DMD: variants seen among roughly 807,000 people sequenced by gnomAD.
DMD encodes the protein mutant dystrophin.
DMD carries 63 observed loss-of-function variants against 330.1 expected under a neutral mutation model. The ratio of observed to expected loss-of-function variants is 0.19; its 90% CI spans 0.16 to 0.24. The LOEUF is 0.24. Among genes scored for constraint, DMD ranks in the 10% least tolerant of loss-of-function variants. The pLI is 1.00. For missense variants in DMD, 3,344 were observed against 2,684.1 expected (o/e 1.25, Z -5.43); for synonymous variants, 1,223 against 959.8 (o/e 1.27, Z -5.07).
intron 71 of DMD, among the ~76,000 whole-genome samples, chrX:31,176,023 T>A (rs1183019717): frequency 2.7e-5 from 3 of 111,762 alleles, no homozygotes; most frequent in Non-Finnish European, 5.7e-5. Flanking sequence ...TCAAATATTG[T>A]AATCATCATA....
At chrX:32,573,896 G>A (rs1369194625) in intron 13 of DMD, 50 bp from the exon 14 acceptor site, 2 of 1,062,044 alleles carry the variant, frequency 1.9e-6, no homozygotes, top group Non-Finnish European at 2.6e-6. Context: ...TGGTAACTAC[G>A]TTTTATTAAA....
chrX:32,688,721 A>G (rs1393662613), intron 9 of DMD, among the ~76,000 whole-genome samples: 2 of 111,889 alleles, frequency 1.8e-5, no homozygotes, highest in East Asian at 2.8e-4. Context: ...GATTCCTATT[A>G]TACTCCTGTT....
chrX:32,318,262 A>T (rs759729939), intron 41 of DMD, among the ~76,000 whole-genome samples: 1 of 111,689 alleles, frequency 9.0e-6, no homozygotes, highest in Admixed American at 9.5e-5. Context: ...AGGCATTGTA[A>T]GCATAAAAAT....
intron 7 of DMD, among the ~76,000 whole-genome samples, chrX:32,699,845 A>G (rs1016775387): frequency 8.9e-6 from 1 of 111,815 alleles, no homozygotes; most frequent in African/African-American, 3.2e-5. Flanking sequence ...AATACCATAT[A>G]ATGATTTTTA....
intron 60 of DMD, among the ~76,000 whole-genome samples, chrX:31,423,132 G>A (rs1407496578): frequency 9.0e-6 from 1 of 111,722 alleles, no homozygotes; most frequent in Admixed American, 9.5e-5. Context: ...AAAAATTCTT[G>A]ATCTTAATGT....
intron 2 of DMD, among the ~76,000 whole-genome samples, chrX:32,879,505 C>CT (rs1005293286): frequency 8.9e-6 from 1 of 112,029 alleles, no homozygotes. Context: ...TAATATTTGT[C>CT]TTTTTTAATA....
At chrX:32,026,036 T>A (rs1317748200) in intron 44 of DMD, among the ~76,000 whole-genome samples, 2 of 112,224 alleles carry the variant, frequency 1.8e-5, no homozygotes, top group African/African-American at 6.5e-5. Flanking sequence ...TAAAGCAAAA[T>A]GTCACAGTTA....
At chrX:31,483,336 A>G (rs181319011) in intron 57 of DMD, among the ~76,000 whole-genome samples, 1,496 of 111,394 alleles carry the variant, frequency 0.013, 14 homozygotes, top group Middle Eastern at 0.023. Flanking sequence ...GTGAGCCACC[A>G]CGCCCGGCCG....
At chrX:32,885,822 A>AGG (rs1230501295) in intron 2 of DMD, among the ~76,000 whole-genome samples, 194 of 43,103 alleles carry the variant, frequency 4.5e-3, no homozygotes, top group South Asian at 7.2e-3. Context: ...GTTTCCCTTG[A>AGG]GGGGGAAAAA....
intron 68 of DMD, 106 bp from the exon 69 acceptor site, chrX:31,180,587 C>G (rs1022791807): frequency 5.0e-6 from 3 of 598,749 alleles, no homozygotes; most frequent in Admixed American, 2.6e-5. Context: ...AAACAGAAAG[C>G]AATGTTCATT....
At chrX:32,314,679 T>G (rs2097576803) in intron 41 of DMD, among the ~76,000 whole-genome samples, 1 of 111,069 alleles carries the variant, frequency 9.0e-6, no homozygotes, top group Non-Finnish European at 1.9e-5. Flanking sequence ...TATAAGGAAC[T>G]TAAACAAATT....
chrX:32,957,658 C>T (rs371368743), intron 2 of DMD, among the ~76,000 whole-genome samples: 1 of 111,009 alleles, frequency 9.0e-6, no homozygotes, highest in South Asian at 3.7e-4. Flanking sequence ...GATTTAAGGG[C>T]GTAGGGATAG....
intron 63 of DMD, among the ~76,000 whole-genome samples, chrX:31,250,159 C>T (rs946652834): frequency 9.0e-6 from 1 of 111,628 alleles, no homozygotes; most frequent in African/African-American, 3.3e-5. Flanking sequence ...CCACTGAATG[C>T]ACCCCATAAA....
At chrX:32,716,611 C>A (rs759029782) in intron 7 of DMD, among the ~76,000 whole-genome samples, 1 of 110,879 alleles carries the variant, frequency 9.0e-6, no homozygotes, top group African/African-American at 3.3e-5. Flanking sequence ...GAACGTGGAA[C>A]TAACTTTGGA....
intron 44 of DMD, among the ~76,000 whole-genome samples, chrX:32,052,241 T>C (rs1337045326): frequency 9.3e-6 from 1 of 106,965 alleles, no homozygotes; most frequent in African/African-American, 3.6e-5. Context: ...CTTGCTCCTC[T>C]AGCTATTAAA....
At chrX:31,901,656 C>G (rs2094424208) in intron 47 of DMD, among the ~76,000 whole-genome samples, 1 of 111,686 alleles carries the variant, frequency 9.0e-6, no homozygotes, top group South Asian at 3.7e-4. Flanking sequence ...AACATTCTGT[C>G]TATTCCTTTA....
intron 7 of DMD, among the ~76,000 whole-genome samples, chrX:32,802,186 G>A (rs2076621711): frequency 9.0e-6 from 1 of 111,371 alleles, no homozygotes; most frequent in Admixed American, 9.5e-5. Context: ...TTACTTCCTT[G>A]AGCAGTGGTT....
rs187238360 is a variant in DMD at position 31,362,485 on chromosome X, A to T, written c.9085-13851T>A. Among the ~76,000 whole-genome samples the T allele has an allele frequency of 7.3e-4, 82 of 112,680 alleles. 1 individual carries two copies. The East Asian group carries it at 0.022, about 31-fold the overall frequency. ...AATTTCATGTTTAGGCTTGGGTCCC[A>T]TCCCAAGATATCTCATGAGGAATAT... On this transcript the variant is annotated intron_variant, in intron 60 of 78. Transcript: ENST00000357033.
chrX:33,054,066 C>A (rs987337531), intron 1 of DMD, among the ~76,000 whole-genome samples: 3 of 111,444 alleles, frequency 2.7e-5, no homozygotes, highest in Non-Finnish European at 5.6e-5. Context: ...AAGAAGGGAA[C>A]GTGGCAAATA....
Sources: allele counts gnomAD v4.1 joint callset (sites outside exome capture counted in the v4.1 genomes callset), GRCh38; gene constraint gnomAD v4.1.1; transcripts MANE v1.5; gene names NCBI Gene and HGNC (gene_info 2026-07-23, HGNC 2026-07-21).